Variants in CLEC9A observed in about 807,000 individuals in gnomAD.
The protein encoded by CLEC9A is C-type lectin domain family 9 member A.
In CLEC9A, 24 loss-of-function variants were observed where a neutral mutation model predicts 30.0. That is an observed-to-expected ratio of 0.80 (90% CI 0.58 to 1.13). The LOEUF is 1.13. Ranked by LOEUF, CLEC9A falls within the 50% of genes most tolerant of loss-of-function variation. The pLI, the probability that CLEC9A is intolerant of heterozygous loss-of-function variation, is 0.00. For synonymous variants in CLEC9A, 111 were observed against 96.8 expected (o/e 1.15, Z -0.86); for missense variants, 251 against 280.9 (o/e 0.89, Z 0.76).
At chr12:10,047,175 G>C (rs142123716) in intron 2 of CLEC9A, among the ~76,000 whole-genome samples, 22 of 152,278 alleles carry the variant, frequency 1.4e-4, no homozygotes, top group African/African-American at 5.3e-4. Context: ...CTTGGATTTG[G>C]AGTGAATGTA....
chr12:10,041,672 A>C, intron 2 of CLEC9A, 52 bp downstream of exon 2: 1 of 523,054 alleles, frequency 1.9e-6, no homozygotes, highest in South Asian at 1.4e-5. Context: ...AAAACTCTCA[A>C]ATGTAACATT....
At chr12:10,058,594 G>T (rs942100910) in intron 5 of CLEC9A, among the ~76,000 whole-genome samples, 3 of 152,192 alleles carry the variant, frequency 2.0e-5, no homozygotes, top group African/African-American at 7.2e-5. Context: ...GCGGAGTGCA[G>T]AGTGCAGGGT....
chr12:10,042,914 T>C (rs192254589), intron 2 of CLEC9A, among the ~76,000 whole-genome samples: 1 of 152,340 alleles, frequency 6.6e-6, no homozygotes, highest in Admixed American at 6.5e-5. Flanking sequence ...TTGAGTCATG[T>C]TTGGTAGTCT....
intron 1 of CLEC9A, chr12:10,040,784 A>G (rs1482321115): frequency 2.6e-5 from 4 of 156,432 alleles, no homozygotes; most frequent in African/African-American, 9.6e-5. Flanking sequence ...AATTCAACAA[A>G]AAATATTTGC....
Position 10,061,264 on chromosome 12 carries a change from T to TTAAG in CLEC9A, c.312_315dup (p.Ser106LysfsTer5). ...TTGCCAAGCCTTCATGCAAAACTCATTAAGTTCAGGTAATGGATAAAAATC... is the reference window on the plus strand; with the variant it reads ...TTGCCAAGCCTTCATGCAAAACTCATTAAGTAAGTTCAGGTAATGGATAAAAATC... On this transcript the variant is annotated frameshift_variant, in exon 6 of 9. Transcript: ENST00000355819. LOFTEE classifies it high-confidence loss of function. The TTAAG allele has an allele frequency of 6.2e-7, 1 of 1,609,336 alleles. No homozygotes were observed. The highest frequency in any genetic ancestry group is 8.5e-7 in the Non-Finnish European group (1 of 1,178,482).
intron 6 of CLEC9A, 51 bp from the exon 7 acceptor site, chr12:10,063,004 G>GTT: frequency 6.6e-7 from 1 of 1,510,362 alleles, no homozygotes; most frequent in Non-Finnish European, 8.9e-7. Context: ...AGGGATATAT[G>GTT]TTGTTAATAT....
In CLEC9A at chr12:10,065,741, C is replaced by A. The variant is rs997857524; in HGVS notation, c.*109C>A. 1 of 1,246,282 alleles carries A rather than the reference C, an allele frequency of 8.0e-7. No homozygotes were observed. The highest frequency in any genetic ancestry group is 1.1e-6 in the Non-Finnish European group (1 of 905,584). The allele number at this position is 1,246,282 out of a possible 1,614,324, so 77.2% of individuals were successfully genotyped here. On this transcript the variant is annotated 3_prime_UTR_variant, in exon 9 of 9. Coordinates refer to ENST00000355819, the MANE Select transcript of CLEC9A (RefSeq NM_207345.4). Reference sequence around the variant, plus strand: ...ACAGAACAGTAAACCAAAATGTGGGCCATGAAATTAGCAACCTGGGACTCA... The same window carrying A: ...ACAGAACAGTAAACCAAAATGTGGGACATGAAATTAGCAACCTGGGACTCA...
chr12:10,047,670 T>C (rs1849838464), intron 2 of CLEC9A, among the ~76,000 whole-genome samples: 2 of 152,224 alleles, frequency 1.3e-5, no homozygotes, highest in South Asian at 4.1e-4. Flanking sequence ...GTCACACTAA[T>C]TATTTGGCTT....
rs558093171 is a variant in CLEC9A at position 10,058,576 on chromosome 12, G to C, written c.173-2551G>C. Among the ~76,000 whole-genome samples the C allele has an allele frequency of 5.3e-5, 8 of 152,298 alleles. No homozygotes were observed. In the South Asian group the frequency reaches 1.4e-3, roughly 28 times the overall value. ...TTTCTTTTCTTGCTCTGTTGCCCAG[G>C]CCGGAGTGCGGAGTGCAGAGTGCAG... On this transcript the variant is annotated intron_variant, in intron 5 of 8. Coordinates refer to ENST00000355819, the MANE Select transcript of CLEC9A (RefSeq NM_207345.4).
At chr12:10,062,246 T>C (rs896023348) in intron 6 of CLEC9A, among the ~76,000 whole-genome samples, 12 of 152,346 alleles carry the variant, frequency 7.9e-5, no homozygotes, top group African/African-American at 2.2e-4. Context: ...ATCTGGCCCA[T>C]GGAAGCTACT....
chr12:10,039,246 G>T (rs916010127), intron 1 of CLEC9A, among the ~76,000 whole-genome samples: 4 of 152,114 alleles, frequency 2.6e-5, no homozygotes, highest in Non-Finnish European at 5.9e-5. Flanking sequence ...CCAAAGATTT[G>T]ATTGGAGGAA....
intron 1 of CLEC9A, among the ~76,000 whole-genome samples, chr12:10,032,187 G>C (rs1284835337): frequency 6.6e-6 from 1 of 152,186 alleles, no homozygotes; most frequent in Non-Finnish European, 1.5e-5. Flanking sequence ...TTGGAAGGCA[G>C]TGTGGCAGTT....
rs755406471 is a variant in CLEC9A at position 10,065,522 on chromosome 12, T to G, written c.616T>G (p.Ser206Ala). The G allele has an allele frequency of 5.0e-6, 8 of 1,613,848 alleles. No homozygotes were observed. The highest frequency in any genetic ancestry group is 6.8e-6 in the Non-Finnish European group (8 of 1,179,850). ...PGLLPAERSQSANQVCGYVKS... is the reference protein window; with the variant it reads ...PGLLPAERSQAANQVCGYVKS... ...CAGGTTGCCAGCAGAGAGATCCCAG[T>G]CAGCTAACCAAGTCTGTGGATACGT... is the stretch of plus-strand genomic sequence containing the variant. Residue 206 changes from serine to alanine, a missense_variant, in exon 9 of 9, where the codon TCA becomes GCA. Physicochemically the swap from Ser to Ala is moderately conservative, Grantham distance 99 (BLOSUM62 1). Transcript: ENST00000355819.
intron 1 of CLEC9A, 131 bp downstream of exon 1, chr12:10,031,103 A>T (rs1865691907): frequency 6.6e-6 from 1 of 152,234 alleles, no homozygotes; most frequent in Non-Finnish European, 1.5e-5. Context: ...TAGGTTAGGA[A>T]AGATTCTGAA....
chr12:10,034,812 G>A lies in CLEC9A; in HGVS notation c.-318+3840G>A, dbSNP rs55807620. Among the ~76,000 whole-genome samples, 311 of 152,280 alleles carry A rather than the reference G, an allele frequency of 2.0e-3. 3 individuals are homozygous for A. Among genetic ancestry groups the A allele is most frequent in the Non-Finnish European group, 3.5e-3 (240 of 68,012 alleles). ...AATGTTTGTATCTGAAGCCCCAGTG[G>A]GCGTGTGTTACAGGGTGCTCTTTTA... is the stretch of plus-strand genomic sequence containing the variant. On this transcript the variant is annotated intron_variant, in intron 1 of 8. Coordinates refer to ENST00000355819, the MANE Select transcript of CLEC9A (RefSeq NM_207345.4).
chr12:10,045,155 C>G lies in CLEC9A; in HGVS notation c.-163+3535C>G, dbSNP rs369173100. On this transcript the variant is annotated intron_variant, in intron 2 of 8. Coordinates refer to ENST00000355819, the MANE Select transcript of CLEC9A (RefSeq NM_207345.4). ...TTGTCCTGTTCATCTAAATCCTGCC[C>G]TTCCATCAATACCAACTAAAGTCTG... Among the ~76,000 whole-genome samples the G allele has an allele frequency of 8.7e-4, 133 of 152,304 alleles. 1 individual carries two copies. The highest frequency in any genetic ancestry group is 3.2e-3 in the African/African-American group (131 of 41,562).
intron 6 of CLEC9A, 86 bp downstream of exon 6, chr12:10,061,359 T>C: frequency 3.8e-6 from 5 of 1,329,906 alleles, no homozygotes; most frequent in Non-Finnish European, 5.0e-6. Flanking sequence ...CATTTTGTTC[T>C]CTGCAAAACT....
Position 10,052,649 on chromosome 12 carries a change from C to A in CLEC9A, c.-39C>A. The A allele has an allele frequency of 6.2e-7, 1 of 1,608,904 alleles. No individual in the cohort carries two copies. Among genetic ancestry groups the A allele is most frequent in the Non-Finnish European group, 8.5e-7 (1 of 1,177,786 alleles). Reference sequence around the variant, plus strand: ...CACAAGAGGAGTTACTTGTTCCAGCCTCCTGTGTGGACTGCTTTCCTATCA... The same window carrying A: ...CACAAGAGGAGTTACTTGTTCCAGCATCCTGTGTGGACTGCTTTCCTATCA... On this transcript the variant is annotated 5_prime_UTR_variant, in exon 4 of 9. Coordinates refer to ENST00000355819, the MANE Select transcript of CLEC9A (RefSeq NM_207345.4).
intron 1 of CLEC9A, among the ~76,000 whole-genome samples, chr12:10,033,801 G>A (rs984778269): frequency 6.6e-6 from 1 of 151,948 alleles, no homozygotes; most frequent in Non-Finnish European, 1.5e-5. Flanking sequence ...TGTTTCAGAG[G>A]ACACTTTTAA....
Sources: gnomAD v4.1 joint callset for allele counts (sites outside exome capture counted in the v4.1 genomes callset) on GRCh38, gnomAD v4.1.1 for gene constraint, MANE v1.5 for transcripts, NCBI Gene and HGNC (gene_info 2026-07-23, HGNC 2026-07-21) for gene names.